Variants in ZNF678 observed in about 807,000 individuals in gnomAD.
ZNF678 encodes the protein hypothetical protein MGC42493.
Under a neutral mutation model 3.0 loss-of-function variants are expected in ZNF678, and 5 were observed. The ratio of observed to expected loss-of-function variants is 1.69; its 90% CI spans 0.88 to 3.56. The LOEUF (loss-of-function observed/expected upper bound fraction) is 3.56, where lower values mean the gene tolerates loss of function less well. ZNF678 is among the 30% of genes most tolerant of loss of function. ZNF678 has a pLI of 0.00. For missense variants in ZNF678, 593 were observed against 605.0 expected (o/e 0.98, Z 0.21); for synonymous variants, 218 against 199.6 (o/e 1.09, Z -0.78).
chr1:227,584,083 C>G (rs780546488), intron 1 of ZNF678, among the ~76,000 whole-genome samples: 12 of 152,222 alleles, frequency 7.9e-5, no homozygotes, highest in Non-Finnish European at 1.6e-4. Flanking sequence ...AGAGCCAGTT[C>G]TGAAGACCTT....
At chr1:227,644,571 T>G (rs1427258099) in intron 1 of ZNF678, among the ~76,000 whole-genome samples, 2 of 152,200 alleles carry the variant, frequency 1.3e-5, no homozygotes, top group Non-Finnish European at 2.9e-5. Flanking sequence ...TTTTTCTAGC[T>G]AAGTGCTACT....
intron 1 of ZNF678, among the ~76,000 whole-genome samples, chr1:227,635,185 A>G (rs1176906196): frequency 6.6e-6 from 1 of 152,074 alleles, no homozygotes; most frequent in Non-Finnish European, 1.5e-5. Context: ...AAACTTTTAT[A>G]TGTATTTTCT....
At chr1:227,595,269 G>GTC (rs148351161) in intron 1 of ZNF678, among the ~76,000 whole-genome samples, 14,160 of 143,660 alleles carry the variant, frequency 0.099, 1,009 homozygotes, top group East Asian at 0.34. Flanking sequence ...TCTCTTCTCT[G>GTC]TCTCTCTCTC....
chr1:227,633,671 T>C (rs1007598857), intron 1 of ZNF678, among the ~76,000 whole-genome samples: 3 of 152,168 alleles, frequency 2.0e-5, no homozygotes, highest in African/African-American at 7.2e-5. Flanking sequence ...AGTGAGCATT[T>C]AAACAAGCCC....
At position 227,655,171 on chromosome 1, in the gene ZNF678, C is replaced by T. The variant is rs758137129; in HGVS notation, c.921C>T (p.Ser307=). 59 of 1,611,888 alleles carry T rather than the reference C, an allele frequency of 3.7e-5. 1 individual carries two copies. In the South Asian group the frequency reaches 6.2e-4, roughly 17 times the overall value. Residue 307 remains serine, a synonymous_variant, in exon 4 of 4, where the codon AGC becomes AGT. Coordinates refer to ENST00000343776, the MANE Select transcript of ZNF678 (RefSeq NM_001367909.1). ...ECGKAFTQFA[S]LTRHKRIHTG... ...GCAAAGCCTTTACACAGTTTGCAAG[C>T]CTTACTCGTCATAAAAGAATTCATA...
At chr1:227,598,426 A>G (rs1657649422) in intron 1 of ZNF678, 1 of 1,467,612 alleles carries the variant, frequency 6.8e-7, no homozygotes, top group Admixed American at 2.4e-5. Context: ...TCTTAATGTT[A>G]TGGTGAGTCA....
Position 227,582,936 on chromosome 1 carries a change from G to A in ZNF678, c.-164+19212G>A, listed in dbSNP as rs566212461. ...TAAAAGGATTATATTTTAGTTGAAGGTTAATTGGCAATTTCTGATAGGTAA... is the reference window on the plus strand; with the variant it reads ...TAAAAGGATTATATTTTAGTTGAAGATTAATTGGCAATTTCTGATAGGTAA... On this transcript the variant is annotated intron_variant, in intron 1 of 3. Transcript: ENST00000343776. 3.3e-5 allele frequency among the ~76,000 whole-genome samples: 5 copies of A among 152,244 alleles called. No homozygotes were observed. In the South Asian group the frequency reaches 8.3e-4, roughly 25 times the overall value.
rs1413275838 is a variant in ZNF678 at position 227,589,743 on chromosome 1, C to G, written c.-164+26019C>G. On this transcript the variant is annotated intron_variant, in intron 1 of 3. Coordinates refer to ENST00000343776, the MANE Select transcript of ZNF678 (RefSeq NM_001367909.1). ...TGCTCTTCCATACAATGTCTGGAAT[C>G]TATAGATAACATAACAGGTTAGGTC... 2.0e-5 allele frequency among the ~76,000 whole-genome samples: 3 copies of G among 151,794 alleles called. No individual in the cohort carries two copies. In the East Asian group the frequency reaches 5.8e-4, roughly 29 times the overall value.
At chr1:227,647,668 T>A (rs1297658988) in intron 2 of ZNF678, among the ~76,000 whole-genome samples, 1 of 152,174 alleles carries the variant, frequency 6.6e-6, no homozygotes, top group African/African-American at 2.4e-5. Context: ...TGTCTTCCCC[T>A]CACAGGAGCA....
At position 227,655,159 on chromosome 1, in the gene ZNF678, A is replaced by G. The variant is rs752628718; in HGVS notation, c.909A>G (p.Thr303=). 3.1e-6 allele frequency: 5 copies of G among 1,603,544 alleles called. No homozygotes were observed. The African/African-American group carries it at 5.4e-5, about 17-fold the overall frequency. The change falls in exon 4 of 4, where the codon ACA becomes ACG. Residue 303 remains threonine, a synonymous_variant. Transcript: ENST00000343776. ...GTGAAGAATGTGGCAAAGCCTTTAC[A>G]CAGTTTGCAAGCCTTACTCGTCATA... is the stretch of plus-strand genomic sequence containing the variant. ...YKCEECGKAF[T]QFASLTRHKR... is the part of the protein sequence containing the mutation.
In ZNF678 at chr1:227,661,350, A is replaced by G. The variant is rs776056980; in HGVS notation, c.*5522A>G. On this transcript the variant is annotated 3_prime_UTR_variant, in exon 4 of 4. Coordinates refer to ENST00000343776, the MANE Select transcript of ZNF678 (RefSeq NM_001367909.1). ...CCAGCAGGGGACCCCTGTTTTGTCT[A>G]TGTCAAGAACAAAGACCAGGCAAAA... 1 of 151,806 alleles carries G rather than the reference A, an allele frequency of 6.6e-6. No homozygotes were observed. Among genetic ancestry groups the G allele is most frequent in the South Asian group, 2.1e-4 (1 of 4,820 alleles). 9.4% of individuals were successfully genotyped at this position (151,806 alleles called of 1,614,324 possible).
At position 227,563,653 on chromosome 1, in the gene ZNF678, GT is replaced by G; in HGVS notation, c.-232del. On this transcript the variant is annotated 5_prime_UTR_variant, in exon 1 of 4. Coordinates refer to ENST00000343776, the MANE Select transcript of ZNF678 (RefSeq NM_001367909.1). ...GGTGACTCTGCTGCTGCAGTGTCTG[GT>G]TTCCCTGTGACCTGCAGGTACTGGG... is the stretch of plus-strand genomic sequence containing the variant. The G allele has an allele frequency of 7.6e-7, 1 of 1,318,002 alleles. No individual in the cohort carries two copies. Among genetic ancestry groups the G allele is most frequent in the East Asian group, 5.1e-5 (1 of 19,422 alleles). The allele number at this position is 1,318,002 out of a possible 1,614,324, so 81.6% of individuals were successfully genotyped here.
intron 1 of ZNF678, among the ~76,000 whole-genome samples, chr1:227,602,057 A>C (rs1410447361): frequency 6.6e-6 from 1 of 152,058 alleles, no homozygotes; most frequent in Admixed American, 6.6e-5. Context: ...GATGTCCTTT[A>C]TTTCTTTCTC....
intron 1 of ZNF678, among the ~76,000 whole-genome samples, chr1:227,637,437 A>G (rs1176951857): frequency 6.6e-6 from 1 of 152,236 alleles, no homozygotes; most frequent in Non-Finnish European, 1.5e-5. Flanking sequence ...GGGTGAGGAC[A>G]GCAGCTGCTG....
rs4653857 is a variant in ZNF678, at chr1:227,599,639, T to A, written c.-164+35915T>A. 6.1e-3 allele frequency among the ~76,000 whole-genome samples: 922 copies of A among 152,288 alleles called. 25 individuals are homozygous for A. Among genetic ancestry groups the A allele is most frequent in the Admixed American group, 0.043 (655 of 15,294 alleles). ...ACCATTTAGTTTTATTATGCCATAG[T>A]AGTTGCTATTAGAGAATTTTTTTTT... On this transcript the variant is annotated intron_variant, in intron 1 of 3. Coordinates refer to ENST00000343776, the MANE Select transcript of ZNF678 (RefSeq NM_001367909.1).
chr1:227,581,920 C>T (rs184907735), intron 1 of ZNF678, among the ~76,000 whole-genome samples: 12 of 152,224 alleles, frequency 7.9e-5, no homozygotes, highest in Non-Finnish European at 1.8e-4. Flanking sequence ...GCAAACATTT[C>T]GTATGTTTTC....
chr1:227,646,508 A>G, intron 1 of ZNF678, 36 bp from the exon 2 acceptor site: 2 of 1,350,160 alleles, frequency 1.5e-6, no homozygotes, highest in Non-Finnish European at 2.0e-6. Flanking sequence ...CCCATGGCAC[A>G]TTTTGTAAAT....
chr1:227,679,546 C>T (rs1428852460), downstream of ZNF678, among the ~76,000 whole-genome samples: 1 of 151,392 alleles, frequency 6.6e-6, no homozygotes, highest in African/African-American at 2.4e-5. Flanking sequence ...ATGACCCCCT[C>T]ATGCAGACCC....
At chr1:227,601,794 A>T (rs916028001) in intron 1 of ZNF678, among the ~76,000 whole-genome samples, 9 of 151,552 alleles carry the variant, frequency 5.9e-5, no homozygotes, top group African/African-American at 2.2e-4. Context: ...TGAACTTCTG[A>T]CCTCGTGACC....
Sources: allele counts gnomAD v4.1 joint callset (sites outside exome capture counted in the v4.1 genomes callset), GRCh38; gene constraint gnomAD v4.1.1; transcripts MANE v1.5; gene names NCBI Gene and HGNC (gene_info 2026-07-23, HGNC 2026-07-21).